Variants in GIPC3 observed in about 807,000 individuals in gnomAD.
GIPC3 encodes PDZ domain-containing protein GIPC3.
A neutral mutation model predicts 27.3 loss-of-function variants in GIPC3; 16 were observed. That is an observed-to-expected ratio of 0.59 (90% CI 0.40 to 0.89). The LOEUF is 0.89. GIPC3 is among the 40% of genes least tolerant of loss of function. The pLI is 0.00. For synonymous variants in GIPC3, 194 were observed against 184.6 expected, an observed-to-expected ratio of 1.05 and a Z score of -0.41; for missense variants, 440 against 442.1, an observed-to-expected ratio of 1.00 and a Z score of 0.04.
Position 3,590,204 on chromosome 19 carries a change from G to A in GIPC3, c.*14G>A, listed in dbSNP as rs765235753. Reference sequence around the variant, plus strand: ...GCCTGTGGCTAGTTTGCCCTGGGGGGGCCCAGCACAGCCCCAGCCCGGAGC... The same window carrying A: ...GCCTGTGGCTAGTTTGCCCTGGGGGAGCCCAGCACAGCCCCAGCCCGGAGC... On this transcript the variant is annotated 3_prime_UTR_variant, in exon 6 of 6. Transcript: ENST00000644452. 5 of 1,579,234 alleles carry A rather than the reference G, an allele frequency of 3.2e-6. No individual in the cohort carries two copies. Among genetic ancestry groups the A allele is most frequent in the Middle Eastern group, 2.0e-4 (1 of 4,900 alleles).
At position 3,590,442 on chromosome 19, in the gene GIPC3, C is replaced by G; in HGVS notation, c.*252C>G. 3 of 1,425,872 alleles carry G rather than the reference C, an allele frequency of 2.1e-6. No homozygotes were observed. The highest frequency in any genetic ancestry group is 1.8e-6 in the Non-Finnish European group (2 of 1,094,982). The allele number at this position is 1,425,872 out of a possible 1,614,324, so 88.3% of individuals were successfully genotyped here. ...TGAGAATAAGCTCTGTTCTAAAACT[C>G]AGGCCAGCCCTGAGACCAAGCCCAG... On this transcript the variant is annotated 3_prime_UTR_variant, in exon 6 of 6. Coordinates refer to ENST00000644452, the MANE Select transcript of GIPC3 (RefSeq NM_133261.3).
chr19:3,590,705 T>C lies in GIPC3; in HGVS notation c.*515T>C. 2 of 1,036,168 alleles carry C rather than the reference T, an allele frequency of 1.9e-6. No homozygotes were observed. Among genetic ancestry groups the C allele is most frequent in the East Asian group, 6.3e-5 (2 of 31,952 alleles). The allele number at this position is 1,036,168 out of a possible 1,614,324, so 64.2% of individuals were successfully genotyped here. Reference sequence around the variant, plus strand: ...TGGGCTCTGAGACCGAGCCCAGCTCTAAAACTCAGATGGGCTCTGAGACCA... The same window carrying C: ...TGGGCTCTGAGACCGAGCCCAGCTCCAAAACTCAGATGGGCTCTGAGACCA... On this transcript the variant is annotated 3_prime_UTR_variant, in exon 6 of 6. Coordinates refer to ENST00000644452, the MANE Select transcript of GIPC3 (RefSeq NM_133261.3).
In GIPC3 at chr19:3,593,477, G is replaced by A. The variant is rs1463397668; in HGVS notation, c.*3287G>A. 3 of 450,224 alleles carry A rather than the reference G, an allele frequency of 6.7e-6. No homozygotes were observed. Among genetic ancestry groups the A allele is most frequent in the Non-Finnish European group, 1.1e-5 (3 of 274,190 alleles). 27.9% of individuals were successfully genotyped at this position (450,224 alleles called of 1,614,324 possible). A position where few individuals can be genotyped will look rare whatever the true frequency, so the allele number is the denominator to read the frequency against. On this transcript the variant is annotated 3_prime_UTR_variant, in exon 6 of 6. Transcript: ENST00000644452. The stretch of plus-strand genomic sequence containing the variant: ...GTCCTTGGAGGGAAAAGGAGGGCAG[G>A]AGACGGGTTGCACCGCATGTACCCT...
At position 3,590,034 on chromosome 19, in the gene GIPC3, C is replaced by A; in HGVS notation, c.788-5C>A. ...CACTGACATCCCCTCTGGCACGGCC[C>A]GCAGCGTCCACCATGGTGGAGACGT... On this transcript the variant is annotated splice_region_variant and splice_polypyrimidine_tract_variant and intron_variant, in intron 5 of 5. Transcript: ENST00000644452. The A allele has an allele frequency of 6.2e-7, 1 of 1,612,568 alleles. No homozygotes were observed. Among genetic ancestry groups the A allele is most frequent in the Non-Finnish European group, 8.5e-7 (1 of 1,179,486 alleles).
chr19:3,585,656 C>T lies in GIPC3; in HGVS notation c.59C>T (p.Pro20Leu), dbSNP rs1208892150. ...RGTETPRASA[P>L]PPAPSEPPAA... ...ACCGAGACCCCGCGCGCGTCTGCGC[C>T]CCCGCCCGCGCCCTCGGAGCCCCCG... Residue 20 changes from proline to leucine, a missense_variant, in exon 1 of 6, where the codon CCC becomes CTC. Physicochemically the swap from Pro to Leu is moderately conservative, Grantham distance 98. Transcript: ENST00000644452. The T allele has an allele frequency of 3.3e-6, 4 of 1,225,358 alleles. No individual in the cohort carries two copies. Among genetic ancestry groups the T allele is most frequent in the Non-Finnish European group, 4.1e-6 (4 of 986,206 alleles). The allele number at this position is 1,225,358 out of a possible 1,614,324, so 75.9% of individuals were successfully genotyped here. A position where few individuals can be genotyped will look rare whatever the true frequency, so the allele number is the denominator to read the frequency against.
In GIPC3 at chr19:3,590,055, G is replaced by C; in HGVS notation, c.804G>C (p.Glu268Asp). 6.2e-7 allele frequency: 1 copy of C among 1,612,342 alleles called. No homozygotes were observed. Among genetic ancestry groups the C allele is most frequent in the South Asian group, 1.1e-5 (1 of 90,924 alleles). Residue 268 changes from glutamate (E) to aspartate (D), a missense_variant, in exon 6 of 6, where the codon GAG (glutamate) becomes GAC (aspartate). Coordinates refer to ENST00000644452, the MANE Select transcript of GIPC3 (RefSeq NM_133261.3). ...GGCCCGCAGCGTCCACCATGGTGGAGACGTCCAAGAAGACAGCGAGCGCCC... is the reference window on the plus strand; with the variant it reads ...GGCCCGCAGCGTCCACCATGGTGGACACGTCCAAGAAGACAGCGAGCGCCC... Reference protein sequence around the residue: ...RDPELASTMVETSKKTASAQE... With the variant: ...RDPELASTMVDTSKKTASAQE...
chr19:3,588,781 A>G (rs909066712), intron 3 of GIPC3, among the ~76,000 whole-genome samples: 2 of 151,944 alleles, frequency 1.3e-5, no homozygotes, highest in Non-Finnish European at 2.9e-5. Context: ...TGTCTCTACT[A>G]AAAATACAAA....
In GIPC3 at chr19:3,592,189, A is replaced by T. The variant is rs2032497568; in HGVS notation, c.*1999A>T. On this transcript the variant is annotated 3_prime_UTR_variant, in exon 6 of 6. Transcript: ENST00000644452. ...GACAGCAGGTCCAGCTCCAGGACCCAGCGCTGCCCAGGAGCTCGACCAGCC... is the reference window on the plus strand; with the variant it reads ...GACAGCAGGTCCAGCTCCAGGACCCTGCGCTGCCCAGGAGCTCGACCAGCC... 2 of 1,232,154 alleles carry T rather than the reference A, an allele frequency of 1.6e-6. No homozygotes were observed. The highest frequency in any genetic ancestry group is 2.0e-6 in the Non-Finnish European group (2 of 988,052). The allele number at this position is 1,232,154 out of a possible 1,614,324, so 76.3% of individuals were successfully genotyped here. A position where few individuals can be genotyped will look rare whatever the true frequency, so the allele number is the denominator to read the frequency against.
In GIPC3 at chr19:3,586,685, C is replaced by T. The variant is rs756809309; in HGVS notation, c.411+5C>T. The T allele has an allele frequency of 1.2e-4, 162 of 1,386,044 alleles. No individual in the cohort carries two copies. Among genetic ancestry groups the T allele is most frequent in the Non-Finnish European group, 1.5e-4 (153 of 994,790 alleles). The allele number at this position is 1,386,044 out of a possible 1,614,324, so 85.9% of individuals were successfully genotyped here. ...GCTGGCTACGCCTTCATCAAGGTGC[C>T]CGGGAGGGGGTGGGCGGGTGGCTTC... On this transcript the variant is annotated splice_donor_5th_base_variant and intron_variant, in intron 2 of 5. Coordinates refer to ENST00000644452, the MANE Select transcript of GIPC3 (RefSeq NM_133261.3).
Position 3,592,581 on chromosome 19 carries a change from G to C in GIPC3, c.*2391G>C. The C allele has an allele frequency of 8.1e-7, 1 of 1,231,294 alleles. No individual in the cohort carries two copies. The highest frequency in any genetic ancestry group is 1.6e-5 in the African/African-American group (1 of 64,232). The allele number at this position is 1,231,294 out of a possible 1,614,324, so 76.3% of individuals were successfully genotyped here. ...TCCTGAGACCAGGCTCAGCTCTGAG[G>C]CTCAGTCCAGCTCTGGAACCCAGTT... On this transcript the variant is annotated 3_prime_UTR_variant, in exon 6 of 6. Transcript: ENST00000644452.
At position 3,591,665 on chromosome 19, in the gene GIPC3, C is replaced by T. The variant is rs2032490107; in HGVS notation, c.*1475C>T. 7 of 1,234,110 alleles carry T rather than the reference C, an allele frequency of 5.7e-6. No homozygotes were observed. The South Asian group carries it at 1.2e-4, about 22-fold the overall frequency. The allele number at this position is 1,234,110 out of a possible 1,614,324, so 76.4% of individuals were successfully genotyped here. A position where few individuals can be genotyped will look rare whatever the true frequency, so the allele number is the denominator to read the frequency against. On this transcript the variant is annotated 3_prime_UTR_variant, in exon 6 of 6. Coordinates refer to ENST00000644452, the MANE Select transcript of GIPC3 (RefSeq NM_133261.3). ...CGGCTGCCCAGTCCAGATCCCAACC[C>T]CAGTTGCATCCAAGTGCCCATCCCC...
chr19:3,590,171 C>T lies in GIPC3; in HGVS notation c.920C>T (p.Ala307Val), dbSNP rs2032460013. 1.9e-6 allele frequency: 3 copies of T among 1,604,346 alleles called. No individual in the cohort carries two copies. Among genetic ancestry groups the T allele is most frequent in the Non-Finnish European group, 1.7e-6 (2 of 1,176,268 alleles). The part of the protein sequence containing the change: ...VVEVWAAIGE[A>V]REACG ...GAAGTGTGGGCCGCCATCGGCGAGGCCAGAGAGGCCTGTGGCTAGTTTGCC... is the reference window on the plus strand; with the variant it reads ...GAAGTGTGGGCCGCCATCGGCGAGGTCAGAGAGGCCTGTGGCTAGTTTGCC... The change falls in exon 6 of 6, where the codon GCC (alanine) becomes GTC (valine). Residue 307 changes from alanine (A) to valine (V), a missense_variant. Physicochemically the swap from Ala to Val is moderately conservative, Grantham distance 64 (BLOSUM62 0). Coordinates refer to ENST00000644452, the MANE Select transcript of GIPC3 (RefSeq NM_133261.3).
At position 3,591,286 on chromosome 19, in the gene GIPC3, C is replaced by G. The variant is rs529832797; in HGVS notation, c.*1096C>G. ...TCTGAAGCCCAGGCCAGCTCTGAGA[C>G]GAAGCACATCTCTAGAATCCAGCTG... is the stretch of plus-strand genomic sequence containing the variant. On this transcript the variant is annotated 3_prime_UTR_variant, in exon 6 of 6. Transcript: ENST00000644452. The G allele has an allele frequency of 2.4e-6, 3 of 1,232,520 alleles. No individual in the cohort carries two copies. In the African/African-American group the frequency reaches 4.7e-5, roughly 19 times the overall value. 76.3% of individuals were successfully genotyped at this position (1,232,520 alleles called of 1,614,324 possible). A position where few individuals can be genotyped will look rare whatever the true frequency, so the allele number is the denominator to read the frequency against.
At chr19:3,589,610 G>A (rs527642734) in intron 4 of GIPC3, 55 bp downstream of exon 4, 2 of 1,424,258 alleles carry the variant, frequency 1.4e-6, no homozygotes, top group East Asian at 2.3e-5. Context: ...CTCCTCCACT[G>A]AGTCAGTGCG....
chr19:3,591,311 G>C lies in GIPC3; in HGVS notation c.*1121G>C. The C allele has an allele frequency of 8.1e-7, 1 of 1,232,294 alleles. No homozygotes were observed. Among genetic ancestry groups the C allele is most frequent in the Non-Finnish European group, 1.0e-6 (1 of 988,286 alleles). The allele number at this position is 1,232,294 out of a possible 1,614,324, so 76.3% of individuals were successfully genotyped here. A position where few individuals can be genotyped will look rare whatever the true frequency, so the allele number is the denominator to read the frequency against. On this transcript the variant is annotated 3_prime_UTR_variant, in exon 6 of 6. Transcript: ENST00000644452. Reference sequence around the variant, plus strand: ...CGAAGCACATCTCTAGAATCCAGCTGAGCCCTGACAACAAGCCAAACTCTG... The same window carrying C: ...CGAAGCACATCTCTAGAATCCAGCTCAGCCCTGACAACAAGCCAAACTCTG...
Position 3,590,072 on chromosome 19 carries a change from C to G in GIPC3, c.821C>G (p.Ala274Gly), listed in dbSNP as rs149028750. ...STMVETSKKT[A>G]SAQEFARCLD... ...ATGGTGGAGACGTCCAAGAAGACAGCGAGCGCCCAGGAGTTTGCACGCTGT... is the reference window on the plus strand; with the variant it reads ...ATGGTGGAGACGTCCAAGAAGACAGGGAGCGCCCAGGAGTTTGCACGCTGT... Residue 274 changes from alanine to glycine, a missense_variant, in exon 6 of 6, where the codon GCG becomes GGG. Coordinates refer to ENST00000644452, the MANE Select transcript of GIPC3 (RefSeq NM_133261.3). 2 of 1,611,342 alleles carry G rather than the reference C, an allele frequency of 1.2e-6. No homozygotes were observed. The highest frequency in any genetic ancestry group is 2.7e-5 in the African/African-American group (2 of 74,914).
In GIPC3 at chr19:3,592,014, G is replaced by A. The variant is rs1052000993; in HGVS notation, c.*1824G>A. On this transcript the variant is annotated 3_prime_UTR_variant, in exon 6 of 6. Transcript: ENST00000644452. ...TCAGCTCAGTTCTGGAGCACAGGCT[G>A]GTTCTGAAATCCCAGCCAGCTCCAA... The A allele has an allele frequency of 3.2e-6, 4 of 1,232,002 alleles. No individual in the cohort carries two copies. The highest frequency in any genetic ancestry group is 4.0e-6 in the Non-Finnish European group (4 of 988,016). 76.3% of individuals were successfully genotyped at this position (1,232,002 alleles called of 1,614,324 possible).
chr19:3,585,799 G>A lies in GIPC3; in HGVS notation c.202G>A (p.Ala68Thr). The A allele has an allele frequency of 6.5e-7, 1 of 1,547,062 alleles. No individual in the cohort carries two copies. Among genetic ancestry groups the A allele is most frequent in the Non-Finnish European group, 8.7e-7 (1 of 1,146,344 alleles). ...VRELYAKIAE[A>T]FGIAPTEILF... ...CGAGCTGTACGCCAAGATCGCCGAA[G>A]CCTTCGGGATCGCGCCCACCGAGGT... The change falls in exon 1 of 6, where the codon GCC (alanine) becomes ACC (threonine). Residue 68 changes from alanine to threonine, a missense_variant. By Grantham distance (58) the Ala-to-Thr change is moderately conservative. Coordinates refer to ENST00000644452, the MANE Select transcript of GIPC3 (RefSeq NM_133261.3).
At position 3,585,490 on chromosome 19, in the gene GIPC3, C is replaced by T. The variant is rs1390481689; in HGVS notation, c.-108C>T. ...GCTCGGGTTCCCAGATCCCCTTACC[C>T]GGGCGTCTCGGCTGTCGCGCCCTGG... On this transcript the variant is annotated 5_prime_UTR_variant, in exon 1 of 6. Coordinates refer to ENST00000644452, the MANE Select transcript of GIPC3 (RefSeq NM_133261.3). The T allele has an allele frequency of 5.1e-6, 5 of 988,794 alleles. No individual in the cohort carries two copies. The highest frequency in any genetic ancestry group is 4.7e-5 in the South Asian group (1 of 21,124). 61.3% of individuals were successfully genotyped at this position (988,794 alleles called of 1,614,324 possible). A position where few individuals can be genotyped will look rare whatever the true frequency, so the allele number is the denominator to read the frequency against.
Sources: gnomAD v4.1 joint callset for allele counts (sites outside exome capture counted in the v4.1 genomes callset) on GRCh38, gnomAD v4.1.1 for gene constraint, MANE v1.5 for transcripts, NCBI Gene and HGNC (gene_info 2026-07-23, HGNC 2026-07-21) for gene names.